LRRCC1: variants seen among roughly 807,000 people sequenced by gnomAD.
The protein encoded by LRRCC1 is leucine-rich repeat and coiled-coil domain-containing protein 1.
Under a neutral mutation model 126.0 loss-of-function variants are expected in LRRCC1, and 115 were observed. The observed-to-expected ratio is 0.91, with a 90% CI of 0.78 to 1.07. LRRCC1 has a LOEUF of 1.07. LRRCC1 is among the 50% of genes least tolerant of loss of function. The pLI is 0.00. For synonymous variants in LRRCC1, 400 were observed against 393.4 expected (o/e 1.02, Z -0.20); for missense variants, 1,172 against 1,175.7 (o/e 1.00, Z 0.05).
chr8:85,134,741 A>T (rs1427775576), intron 12 of LRRCC1, 106 bp from the exon 13 acceptor site: 1 of 683,960 alleles, frequency 1.5e-6, no homozygotes, highest in Non-Finnish European at 2.3e-6. Context: ...GAAACAGATT[A>T]TCTTTAAATC....
chr8:85,144,455 T>A (rs1811500971), intron 18 of LRRCC1, among the ~76,000 whole-genome samples: 1 of 36,996 alleles, frequency 2.7e-5, no homozygotes, highest in Non-Finnish European at 5.1e-5. Context: ...TATATATATA[T>A]ATATATATAT....
intron 3 of LRRCC1, among the ~76,000 whole-genome samples, chr8:85,112,250 A>G (rs370450642): frequency 4.6e-5 from 7 of 152,322 alleles, no homozygotes; most frequent in African/African-American, 1.7e-4. Flanking sequence ...GGTATTTACC[A>G]AAGAGAAATT....
chr8:85,135,870 G>C lies in LRRCC1; in HGVS notation c.2236G>C (p.Val746Leu). ...IQIELLKHEK[V>L]QLISELAAKE... ...AATAGAACTTCTCAAGCACGAAAAA[G>C]TCCAGCTTATTTCTGAGCTAGCAGC... The change falls in exon 14 of 19, where the codon GTC (valine) becomes CTC (leucine). Residue 746 changes from valine (V) to leucine (L), a missense_variant. By Grantham distance (32) the Val-to-Leu change is conservative. Transcript: ENST00000360375. 1 of 1,607,094 alleles carries C rather than the reference G, an allele frequency of 6.2e-7. No homozygotes were observed. The highest frequency in any genetic ancestry group is 8.5e-7 in the Non-Finnish European group (1 of 1,176,318).
At chr8:85,111,405 C>T (rs1180285684) in intron 3 of LRRCC1, among the ~76,000 whole-genome samples, 1 of 152,146 alleles carries the variant, frequency 6.6e-6, no homozygotes, top group African/African-American at 2.4e-5. Flanking sequence ...TGAGTTTCAA[C>T]CCTGGCCTTG....
At position 85,129,174 on chromosome 8, in the gene LRRCC1, GGC is replaced by G; in HGVS notation, c.1422_1423del (p.Arg474SerfsTer7). 2 of 1,600,820 alleles carry G rather than the reference GGC, an allele frequency of 1.2e-6. No individual in the cohort carries two copies. Among genetic ancestry groups the G allele is most frequent in the Non-Finnish European group, 1.7e-6 (2 of 1,172,576 alleles). On this transcript the variant is annotated frameshift_variant and splice_region_variant, in exon 10 of 19. Coordinates refer to ENST00000360375, the MANE Select transcript of LRRCC1 (RefSeq NM_033402.5). LOFTEE classifies it high-confidence loss of function. Reference sequence around the variant, plus strand: ...AACACCACATATAACTTCTGCTTTAGGCTAAAGGAAATTATTTTTAGAGAGAG... The same window carrying G: ...AACACCACATATAACTTCTGCTTTAGTAAAGGAAATTATTTTTAGAGAGAG...
Position 85,115,357 on chromosome 8 carries a change from T to G in LRRCC1, c.721-18T>G, listed in dbSNP as rs1419007634. ...TGAATATAAATTAAAAGGATTTTGG[T>G]TTGTTTCTGTGTCATAGATCATTGA... On this transcript the variant is annotated intron_variant, in intron 5 of 18. Transcript: ENST00000360375. 1 of 1,596,876 alleles carries G rather than the reference T, an allele frequency of 6.3e-7. No homozygotes were observed. The highest frequency in any genetic ancestry group is 2.2e-5 in the East Asian group (1 of 44,732).
Position 85,146,069 on chromosome 8 carries a change from A to G in LRRCC1, c.*558A>G, listed in dbSNP as rs1476041589. 6.6e-6 allele frequency: 1 copy of G among 152,152 alleles called. No homozygotes were observed. The highest frequency in any genetic ancestry group is 6.5e-5 in the Admixed American group (1 of 15,272). 9.4% of individuals were successfully genotyped at this position (152,152 alleles called of 1,614,324 possible). A position where few individuals can be genotyped will look rare whatever the true frequency, so the allele number is the denominator to read the frequency against. On this transcript the variant is annotated 3_prime_UTR_variant, in exon 19 of 19. Coordinates refer to ENST00000360375, the MANE Select transcript of LRRCC1 (RefSeq NM_033402.5). Reference sequence around the variant, plus strand: ...ATCTTTTCATTAAAGATTACATTTAAGGTTTTATAAATATTGTCTGTTCCT... The same window carrying G: ...ATCTTTTCATTAAAGATTACATTTAGGGTTTTATAAATATTGTCTGTTCCT...
At chr8:85,122,512 T>C (rs1263547009) in intron 6 of LRRCC1, among the ~76,000 whole-genome samples, 1 of 152,232 alleles carries the variant, frequency 6.6e-6, no homozygotes, top group Non-Finnish European at 1.5e-5. Flanking sequence ...CTCACTCTAC[T>C]ATTAATCTCA....
rs770852332 is a variant in LRRCC1, at chr8:85,131,827, G to C, written c.1834G>C (p.Ala612Pro). ...DFQDALAKEI[A>P]KEEKKHEQMI... ...CCAGGATGCCTTAGCTAAAGAAATA[G>C]CCAAAGAAGAGAAAAAGCATGAGCA... The change falls in exon 12 of 19, where the codon GCC becomes CCC. Residue 612 changes from alanine (A) to proline (P), a missense_variant. Transcript: ENST00000360375. 15 of 1,613,626 alleles carry C rather than the reference G, an allele frequency of 9.3e-6. No homozygotes were observed. The highest frequency in any genetic ancestry group is 1.3e-5 in the Non-Finnish European group (15 of 1,179,878).
chr8:85,135,483 T>G (rs1036003260), intron 13 of LRRCC1, among the ~76,000 whole-genome samples: 3 of 152,176 alleles, frequency 2.0e-5, no homozygotes, highest in Non-Finnish European at 4.4e-5. Flanking sequence ...AAAATTTGTT[T>G]CTGGAAAATG....
At chr8:85,139,597 G>A (rs745356656) in intron 17 of LRRCC1, among the ~76,000 whole-genome samples, 1 of 152,104 alleles carries the variant, frequency 6.6e-6, no homozygotes, top group Non-Finnish European at 1.5e-5. Context: ...GAAATAAAAT[G>A]TGTACCTGGC....
chr8:85,133,393 C>T (rs1810627491), intron 12 of LRRCC1, among the ~76,000 whole-genome samples: 1 of 152,124 alleles, frequency 6.6e-6, no homozygotes, highest in African/African-American at 2.4e-5. Context: ...AGTTTTCAGC[C>T]CTTAAATTCC....
chr8:85,126,250 C>G (rs954916695), intron 8 of LRRCC1, among the ~76,000 whole-genome samples: 1 of 152,122 alleles, frequency 6.6e-6, no homozygotes, highest in Non-Finnish European at 1.5e-5. Context: ...TACCTACATG[C>G]TTTGCTACCA....
intron 12 of LRRCC1, among the ~76,000 whole-genome samples, chr8:85,132,206 CCCT>C (rs1306795526): frequency 3.3e-5 from 5 of 152,100 alleles, no homozygotes; most frequent in Non-Finnish European, 7.4e-5. Flanking sequence ...AACCTGAATT[CCCT>C]CCTATTACTG....
At chr8:85,131,098 G>T (rs1204434121) in intron 11 of LRRCC1, among the ~76,000 whole-genome samples, 1 of 151,980 alleles carries the variant, frequency 6.6e-6, no homozygotes, top group Non-Finnish European at 1.5e-5. Flanking sequence ...ATAAATTTTG[G>T]TGCTCTGGGG....
At chr8:85,140,872 A>G (rs1008175735) in intron 17 of LRRCC1, among the ~76,000 whole-genome samples, 1 of 152,030 alleles carries the variant, frequency 6.6e-6, no homozygotes, top group East Asian at 1.9e-4. Context: ...AGACCAGCCT[A>G]TCCAACGTAG....
In LRRCC1 at chr8:85,138,066, G is replaced by C; in HGVS notation, c.2525G>C (p.Arg842Thr). The part of the protein sequence containing the change: ...CLQEKDEHIK[R>T]LQEKITEIEK... ...CAAGAAAAAGATGAACACATCAAAA[G>C]ATTACAAGAAAAGATCACAGAAATA... Residue 842 changes from arginine to threonine, a missense_variant, in exon 16 of 19, where the codon AGA (arginine) becomes ACA (threonine). Physicochemically the swap from Arg to Thr is moderately conservative, Grantham distance 71. Transcript: ENST00000360375. 1 of 1,586,512 alleles carries C rather than the reference G, an allele frequency of 6.3e-7. No homozygotes were observed. The highest frequency in any genetic ancestry group is 8.6e-7 in the Non-Finnish European group (1 of 1,166,710).
At chr8:85,143,185 G>A (rs900189294) in intron 18 of LRRCC1, among the ~76,000 whole-genome samples, 1 of 152,122 alleles carries the variant, frequency 6.6e-6, no homozygotes, top group Non-Finnish European at 1.5e-5. Flanking sequence ...AGCTGGGCAT[G>A]GTGGCACATG....
intron 14 of LRRCC1, among the ~76,000 whole-genome samples, chr8:85,136,440 A>T (rs556037529): frequency 2.3e-3 from 345 of 152,042 alleles, no homozygotes; most frequent in African/African-American, 8.0e-3. Context: ...ACACCTGGCT[A>T]ATTTTTGTAT....
Sources: gnomAD v4.1 joint callset for allele counts (sites outside exome capture counted in the v4.1 genomes callset) on GRCh38, gnomAD v4.1.1 for gene constraint, MANE v1.5 for transcripts, NCBI Gene and HGNC (gene_info 2026-07-23, HGNC 2026-07-21) for gene names.